Variants in SVEP1 observed in about 807,000 individuals in gnomAD.
SVEP1 encodes the protein sushi, von Willebrand factor type A, EGF and pentraxin domain containing 1, also known as sushi, von Willebrand factor type A, EGF and pentraxin domain-containing protein 1.
A neutral mutation model predicts 367.3 loss-of-function variants in SVEP1; 164 were observed. The ratio of observed to expected loss-of-function variants is 0.45; its 90% CI spans 0.39 to 0.51. The LOEUF (loss-of-function observed/expected upper bound fraction) is 0.51. Ranked by LOEUF, SVEP1 falls within the 20% of genes least tolerant of loss-of-function variation. The probability of loss-of-function intolerance (pLI) is 0.00; values close to 1 mark genes in which losing one functional copy is unlikely to be tolerated. For synonymous variants in SVEP1, 1,666 were observed against 1,611.6 expected, an observed-to-expected ratio of 1.03 and a Z score of -0.81; for missense variants, 4,117 against 4,425.3, an observed-to-expected ratio of 0.93 and a Z score of 1.98.
chr9:110,417,107 G>A (rs1828135359), intron 36 of SVEP1, among the ~76,000 whole-genome samples: 1 of 151,998 alleles, frequency 6.6e-6, no homozygotes, highest in South Asian at 2.1e-4. Flanking sequence ...ATTGGAGGAG[G>A]AGGAGCCAAG....
At chr9:110,480,049 T>C (rs1217573959) in intron 12 of SVEP1, among the ~76,000 whole-genome samples, 1 of 152,196 alleles carries the variant, frequency 6.6e-6, no homozygotes, top group Non-Finnish European at 1.5e-5. Context: ...TACATAAAAA[T>C]TGTTTTCATT....
chr9:110,446,930 G>C lies in SVEP1; in HGVS notation c.4231C>G (p.Pro1411Ala). 6.5e-7 allele frequency: 1 copy of C among 1,538,044 alleles called. No homozygotes were observed. Among genetic ancestry groups the C allele is most frequent in the Non-Finnish European group, 8.8e-7 (1 of 1,141,682 alleles). Reference sequence around the variant, plus strand: ...TCACACCTTTTGCCTGAAAATCCTGGCTGACATTTACAACTGTATGAATTT... The same window carrying C: ...TCACACCTTTTGCCTGAAAATCCTGCCTGACATTTACAACTGTATGAATTT... ...ELNSYSCKCQ[P>A]GFSGKRCETE... Residue 1411 changes from proline to alanine, a missense_variant, in exon 25 of 48, where the codon CCA becomes GCA. Transcript: ENST00000374469.
At chr9:110,391,271 CT>C (rs35309188) in intron 40 of SVEP1, among the ~76,000 whole-genome samples, 91,536 of 125,114 alleles carry the variant, frequency 0.73, 32,618 homozygotes, top group Middle Eastern at 0.78. Context: ...TACTTTTTGT[CT>C]TTTTTTTTTT....
At chr9:110,556,422 G>A (rs916999086) in intron 1 of SVEP1, among the ~76,000 whole-genome samples, 3 of 152,134 alleles carry the variant, frequency 2.0e-5, no homozygotes, top group African/African-American at 7.2e-5. Context: ...AACCTTAATT[G>A]CAATTACCCA....
chr9:110,462,968 A>G (rs1460443432), intron 18 of SVEP1, among the ~76,000 whole-genome samples: 1 of 152,092 alleles, frequency 6.6e-6, no homozygotes, highest in Non-Finnish European at 1.5e-5. Context: ...AGGTTCTCTT[A>G]CCACACACAC....
rs374775470 is a variant in SVEP1, at chr9:110,386,051, C to G, written c.10084G>C (p.Val3362Leu). ...GACAGCAGAGCATTCTCGGGAATCA[C>G]AAAAGGAACAGGGCATGGATTTGCT... is the stretch of plus-strand genomic sequence containing the variant. ...CKPNPCPVPF[V>L]IPENALLSEK... Residue 3362 changes from valine to leucine, a missense_variant, in exon 43 of 48, where the codon GTG becomes CTG. By Grantham distance (32) the Val-to-Leu change is conservative. Around this residue, in one of 4 missense-constraint regions of SVEP1, gnomAD observed 1,765 missense variants for 1,781.1 expected, o/e 0.99. Coordinates refer to ENST00000374469, the MANE Select transcript of SVEP1 (RefSeq NM_153366.4). 2 of 1,613,176 alleles carry G rather than the reference C, an allele frequency of 1.2e-6. No individual in the cohort carries two copies. Among genetic ancestry groups the G allele is most frequent in the Non-Finnish European group, 1.7e-6 (2 of 1,179,626 alleles).
chr9:110,406,196 C>A lies in SVEP1; in HGVS notation c.9404G>T (p.Gly3135Val), dbSNP rs1482829053. Residue 3135 changes from glycine to valine, a missense_variant, in exon 38 of 48, where the codon GGA becomes GTA. By Grantham distance (109) the Gly-to-Val change is moderately radical (BLOSUM62 -3). Transcript: ENST00000374469. Reference protein sequence around the residue: ...PPSVANAVATGEAHTYESEVK... With the variant: ...PPSVANAVATVEAHTYESEVK... ...TTCACTTTCATAGGTGTGTGCCTCT[C>A]CAGTTGCCACTGCATTGGCGACAGA... 2 of 1,602,000 alleles carry A rather than the reference C, an allele frequency of 1.2e-6. No homozygotes were observed. The highest frequency in any genetic ancestry group is 1.7e-6 in the Non-Finnish European group (2 of 1,173,600).
At chr9:110,578,426 T>C (rs1385126153) in intron 1 of SVEP1, among the ~76,000 whole-genome samples, 3 of 152,180 alleles carry the variant, frequency 2.0e-5, no homozygotes, top group Non-Finnish European at 4.4e-5. Flanking sequence ...GGCTTGCTAT[T>C]ATGTGTTAGA....
rs532757953 is a variant in SVEP1 at position 110,398,547 on chromosome 9, G to C, written c.9822+2307C>G. On this transcript the variant is annotated intron_variant, in intron 40 of 47. Transcript: ENST00000374469. Reference sequence around the variant, plus strand: ...CAGCAAAAGAAACTATCATTAGAGTGAACAGGCAACCTACAGAATGGGAGA... The same window carrying C: ...CAGCAAAAGAAACTATCATTAGAGTCAACAGGCAACCTACAGAATGGGAGA... 2.0e-4 allele frequency among the ~76,000 whole-genome samples: 30 copies of C among 150,738 alleles called. No individual in the cohort carries two copies. The South Asian group carries it at 6.3e-3, about 32-fold the overall frequency.
Position 110,499,061 on chromosome 9 carries a change from A to G in SVEP1, c.1661T>C (p.Val554Ala). The change falls in exon 7 of 48, where the codon GTT becomes GCT. Residue 554 changes from valine (V) to alanine (A), a missense_variant. Physicochemically the swap from Val to Ala is moderately conservative, Grantham distance 64. This residue lies in a region of SVEP1 where 2,174 missense variants were observed against 2,494.3 expected (regional missense o/e 0.87). Coordinates refer to ENST00000374469, the MANE Select transcript of SVEP1 (RefSeq NM_153366.4). ...CTTSGKWNVG[V>A]QAAVCKDVEA... ...CCTACCTTTACACACAGCTGCCTGA[A>G]CTCCGACATTCCATTTTCCAGAAGT... 6.2e-7 allele frequency: 1 copy of G among 1,613,486 alleles called. No individual in the cohort carries two copies.
intron 39 of SVEP1, among the ~76,000 whole-genome samples, chr9:110,401,605 CAATA>C (rs1237535700): frequency 4.0e-5 from 6 of 150,436 alleles, no homozygotes; most frequent in Non-Finnish European, 8.9e-5. Context: ...AAGAAATCCT[CAATA>C]AATGATTAAA....
In SVEP1 at chr9:110,540,597, C is replaced by T. The variant is rs77408697; in HGVS notation, c.964+5518G>A. Among the ~76,000 whole-genome samples, 1,392 of 152,122 alleles carry T rather than the reference C, an allele frequency of 9.2e-3. 24 individuals are homozygous for T. The highest frequency in any genetic ancestry group is 0.032 in the African/African-American group (1,324 of 41,504). On this transcript the variant is annotated intron_variant, in intron 3 of 47. Transcript: ENST00000374469. ...TAACATCAAGAGAAAAGAACAAGAA[C>T]GACAAGACCACTAGCTAAAAGCACA...
intron 1 of SVEP1, among the ~76,000 whole-genome samples, chr9:110,571,999 G>T (rs1383413932): frequency 2.0e-5 from 3 of 152,190 alleles, no homozygotes; most frequent in East Asian, 1.9e-4. Flanking sequence ...ACATTCTCTG[G>T]GTTACACTGT....
At position 110,429,933 on chromosome 9, in the gene SVEP1, T is replaced by C. The variant is rs1473315859; in HGVS notation, c.5602A>G (p.Lys1868Glu). The stretch of plus-strand genomic sequence containing the variant: ...TTAGATACTTACCTATATGTCACTT[T>C]GCTGCCAAAAGTAAATGCTAACTCC... ...IEELAFTFGS[K>E]VTYRCNKGYT... Residue 1868 changes from lysine to glutamate, a missense_variant, in exon 34 of 48, where the codon AAA (lysine) becomes GAA (glutamate). Lys to Glu is a moderately conservative substitution (Grantham distance 56, BLOSUM62 1). Around this residue, in one of 4 missense-constraint regions of SVEP1, gnomAD observed 2,174 missense variants for 2,494.3 expected, o/e 0.87. Transcript: ENST00000374469. The C allele has an allele frequency of 1.2e-6, 2 of 1,612,796 alleles. No homozygotes were observed. The highest frequency in any genetic ancestry group is 1.3e-5 in the African/African-American group (1 of 74,912).
chr9:110,392,674 T>C (rs905033443), intron 40 of SVEP1, among the ~76,000 whole-genome samples: 8 of 152,228 alleles, frequency 5.3e-5, no homozygotes, highest in Non-Finnish European at 1.0e-4. Flanking sequence ...CAATTCTTCC[T>C]CTTGAGTTGT....
intron 36 of SVEP1, among the ~76,000 whole-genome samples, chr9:110,418,931 C>T (rs1334335574): frequency 1.1e-5 from 1 of 87,832 alleles, no homozygotes; most frequent in South Asian, 3.7e-4. Flanking sequence ...ATTTTGTCAC[C>T]ACCAGGCCTG....
At position 110,547,554 on chromosome 9, in the gene SVEP1, G is replaced by A. The variant is rs1310512052; in HGVS notation, c.788-1263C>T. ...CACACCACTGCACTATATAGCCTGT[G>A]TGACAGAATGAGACCCTGTATCAAA... On this transcript the variant is annotated intron_variant, in intron 2 of 47. Coordinates refer to ENST00000374469, the MANE Select transcript of SVEP1 (RefSeq NM_153366.4). Among the ~76,000 whole-genome samples, 3 of 152,276 alleles carry A rather than the reference G, an allele frequency of 2.0e-5. No individual in the cohort carries two copies. In the East Asian group the frequency reaches 5.8e-4, roughly 29 times the overall value.
chr9:110,423,958 A>G (rs1249078773), intron 36 of SVEP1, among the ~76,000 whole-genome samples: 1 of 152,222 alleles, frequency 6.6e-6, no homozygotes, highest in Non-Finnish European at 1.5e-5. Flanking sequence ...ACCTTAAACA[A>G]TGATGAAATT....
chr9:110,537,582 A>C (rs138593516), intron 3 of SVEP1, among the ~76,000 whole-genome samples: 80 of 152,090 alleles, frequency 5.3e-4, no homozygotes, highest in East Asian at 4.8e-3. Context: ...TTAGAATAGA[A>C]TTATGTAGTG....
Sources: allele counts gnomAD v4.1 joint callset (sites outside exome capture counted in the v4.1 genomes callset), GRCh38; gene constraint gnomAD v4.1.1; regional missense constraint gnomAD v4.1.1; transcripts MANE v1.5; gene names NCBI Gene and HGNC (gene_info 2026-07-23, HGNC 2026-07-21).